The following AIRE variants were observed in gnomAD, a reference collection of about 807,000 sequenced individuals.
AIRE encodes the protein autoimmune regulator.
AIRE carries 52 observed loss-of-function variants against 62.1 expected under a neutral mutation model. The ratio of observed to expected loss-of-function variants is 0.84; its 90% CI spans 0.67 to 1.06. The LOEUF (loss-of-function observed/expected upper bound fraction) is 1.06, where lower values mean the gene tolerates loss of function less well. Among genes scored for constraint, AIRE ranks in the 50% least tolerant of loss-of-function variants. AIRE has a pLI of 0.00. For missense variants in AIRE, 774 were observed against 755.8 expected (o/e 1.02, Z -0.28); for synonymous variants, 342 against 321.6 (o/e 1.06, Z -0.68).
At chr21:44,293,353 C>T (rs1020251782) in intron 10 of AIRE, among the ~76,000 whole-genome samples, 178 bp downstream of exon 10, 3 of 151,974 alleles carry the variant, frequency 2.0e-5, no homozygotes, top group African/African-American at 4.8e-5. Flanking sequence ...CGCTCCTAGA[C>T]CTCCACTCCA....
At chr21:44,290,239 C>A in intron 7 of AIRE, 171 bp downstream of exon 7, 2 of 984,654 alleles carry the variant, frequency 2.0e-6, no homozygotes, top group African/African-American at 1.7e-5. Context: ...CCTGATAATA[C>A]GCAATGGTAA....
intron 7 of AIRE, chr21:44,290,889 C>CGGG (rs757773290): frequency 5.0e-6 from 8 of 1,609,122 alleles, no homozygotes; most frequent in Non-Finnish European, 6.8e-6. Flanking sequence ...GGGATGGCCC[C>CGGG]GGGGGGTGTC....
At chr21:44,292,765 C>T (rs1412668934) in intron 9 of AIRE, among the ~76,000 whole-genome samples, 3 of 152,100 alleles carry the variant, frequency 2.0e-5, no homozygotes, top group Non-Finnish European at 4.4e-5. Context: ...GGCCAGGGGG[C>T]CCCCCGTGTG....
chr21:44,290,889 CG>C (rs757773290), intron 7 of AIRE: 13 of 1,608,994 alleles, frequency 8.1e-6, no homozygotes, highest in Admixed American at 6.7e-5. Context: ...GGGATGGCCC[CG>C]GGGGGTGTCT....
chr21:44,292,454 GCCCCCTCCTAGGCTGGGCCA>G (rs2040552747), intron 9 of AIRE, 53 bp downstream of exon 9: 1 of 1,287,004 alleles, frequency 7.8e-7, no homozygotes, highest in Non-Finnish European at 1.1e-6. Flanking sequence ...ACATGGCCAC[GCCCCCTCCTAGGCTGGGCCA>G]CCCCCTCCTG....
Position 44,289,652 on chromosome 21 carries a change from C to T in AIRE, c.653-5C>T, listed in dbSNP as rs771182213. ...GAGCCAGGACCAGCCGGCATCTCCT[C>T]CCAGGCGGCTCCAAGAAGTGCATCC... On this transcript the variant is annotated splice_region_variant and splice_polypyrimidine_tract_variant and intron_variant, in intron 5 of 13. Coordinates refer to ENST00000291582, the MANE Select transcript of AIRE (RefSeq NM_000383.4). 10 of 1,612,626 alleles carry T rather than the reference C, an allele frequency of 6.2e-6. No homozygotes were observed. The South Asian group carries it at 8.8e-5, about 14-fold the overall frequency.
Position 44,290,068 on chromosome 21 carries a change from G to A in AIRE, c.879G>A (p.Gln293=). ...TCCCCAGTGACCCCCAGCTCCACCA[G>A]GTAATGCCCTAGACCACAGGAGAGG... ...LALPSDPQLH[Q]KNEDECAVCR... Residue 293 remains glutamine, a splice_region_variant and synonymous_variant, in exon 7 of 14, where the codon CAG becomes CAA. Coordinates refer to ENST00000291582, the MANE Select transcript of AIRE (RefSeq NM_000383.4). 1.2e-6 allele frequency: 2 copies of A among 1,611,778 alleles called. No homozygotes were observed. The highest frequency in any genetic ancestry group is 1.7e-6 in the Non-Finnish European group (2 of 1,179,412).
At chr21:44,295,502 C>T (rs559098504) in intron 12 of AIRE, among the ~76,000 whole-genome samples, 2 of 152,328 alleles carry the variant, frequency 1.3e-5, no homozygotes, top group South Asian at 2.1e-4. Context: ...GGAGCCCAGC[C>T]GGGCATATAC....
intron 8 of AIRE, 136 bp from the exon 9 acceptor site, chr21:44,292,166 C>T (rs1263352656): frequency 2.6e-6 from 2 of 758,702 alleles, no homozygotes; most frequent in Non-Finnish European, 4.7e-6. Context: ...TGTGTCTCTG[C>T]CCATCTCTCT....
In AIRE at chr21:44,286,467, T is replaced by C; in HGVS notation, c.133-90T>C. The C allele has an allele frequency of 7.0e-7, 1 of 1,428,272 alleles. No homozygotes were observed. Among genetic ancestry groups the C allele is most frequent in the Non-Finnish European group, 9.6e-7 (1 of 1,046,318 alleles). 88.5% of individuals were successfully genotyped at this position (1,428,272 alleles called of 1,614,324 possible). A position where few individuals can be genotyped will look rare whatever the true frequency, so the allele number is the denominator to read the frequency against. On this transcript the variant is annotated intron_variant, in intron 1 of 13. Transcript: ENST00000291582. This position sits in a 1 kb window ranked among gnomAD's most constrained non-coding sequence, Gnocchi z 6.0. ...TGTCCAGGTCGCCAGCGCCTCTGCC[T>C]GGGAGCTCCACCCTCTAGTCATGAT...
intron 5 of AIRE, 190 bp downstream of exon 5, chr21:44,288,648 G>T (rs377279425): frequency 1.7e-6 from 1 of 584,196 alleles, no homozygotes; most frequent in Non-Finnish European, 3.1e-6. Context: ...CCTGTCGGGG[G>T]ACCTTCTGCA....
At position 44,290,771 on chromosome 21, in the gene AIRE, C is replaced by T; in HGVS notation, c.880-324C>T. The stretch of plus-strand genomic sequence containing the variant: ...GGCGCTGAGGTCGGGAGAGACCTCC[C>T]TGGGCCTGGCCCCACTGCCCTGTGA... On this transcript the variant is annotated intron_variant, in intron 7 of 13. Coordinates refer to ENST00000291582, the MANE Select transcript of AIRE (RefSeq NM_000383.4). 3 of 1,470,552 alleles carry T rather than the reference C, an allele frequency of 2.0e-6. No homozygotes were observed. In the South Asian group the frequency reaches 3.4e-5, roughly 17 times the overall value. 91.1% of individuals were successfully genotyped at this position (1,470,552 alleles called of 1,614,324 possible).
intron 8 of AIRE, among the ~76,000 whole-genome samples, chr21:44,291,766 T>C (rs889061052): frequency 3.3e-5 from 5 of 151,882 alleles, no homozygotes; most frequent in African/African-American, 1.2e-4. Flanking sequence ...GAGGAAGAGC[T>C]CTGGGTGCAG....
chr21:44,291,189 C>T lies in AIRE; in HGVS notation c.974C>T (p.Pro325Leu), dbSNP rs2040535833. The change falls in exon 8 of 14, where the codon CCT becomes CTT. Residue 325 changes from proline (P) to leucine (L), a missense_variant. Physicochemically the swap from Pro to Leu is moderately conservative, Grantham distance 98. This residue lies in a region of AIRE where 35 missense variants were observed against 63.7 expected (regional missense o/e 0.55). Coordinates refer to ENST00000291582, the MANE Select transcript of AIRE (RefSeq NM_000383.4). The stretch of plus-strand genomic sequence containing the variant: ...GCCTTCCACCTGGCCTGCCTGTCCC[C>T]TCCGCTCCGGGAGATCCCCAGGTGA... ...PRAFHLACLS[P>L]PLREIPSGTW... is the part of the protein sequence containing the mutation. The T allele has an allele frequency of 6.2e-7, 1 of 1,601,064 alleles. No individual in the cohort carries two copies. Among genetic ancestry groups the T allele is most frequent in the Non-Finnish European group, 8.5e-7 (1 of 1,176,652 alleles).
chr21:44,292,985 G>A lies in AIRE; in HGVS notation c.1096-8G>A. On this transcript the variant is annotated splice_region_variant and splice_polypyrimidine_tract_variant and intron_variant, in intron 9 of 13. Transcript: ENST00000291582. The stretch of plus-strand genomic sequence containing the variant: ...GCTGCCCCTCTGATGCTGACCCTTG[G>A]GTTCCAGCTCCCCCCGGGGCTTAGG... 6.2e-7 allele frequency: 1 copy of A among 1,611,974 alleles called. No homozygotes were observed. The highest frequency in any genetic ancestry group is 1.1e-5 in the South Asian group (1 of 91,042).
In AIRE at chr21:44,297,114, A is replaced by G. The variant is rs1388508715; in HGVS notation, c.1567-542A>G. 2.0e-5 allele frequency among the ~76,000 whole-genome samples: 3 copies of G among 152,140 alleles called. No individual in the cohort carries two copies. Among genetic ancestry groups the G allele is most frequent in the Admixed American group, 6.5e-5 (1 of 15,288 alleles). On this transcript the variant is annotated intron_variant, in intron 13 of 13. Coordinates refer to ENST00000291582, the MANE Select transcript of AIRE (RefSeq NM_000383.4). This position sits in a 1 kb window ranked among gnomAD's most constrained non-coding sequence, Gnocchi z 4.8. Reference sequence around the variant, plus strand: ...GGTGTCTGCAGAGCCCCAGGGCCTGAGAGTGGGCCAGGGGGCCCAGCGCTG... The same window carrying G: ...GGTGTCTGCAGAGCCCCAGGGCCTGGGAGTGGGCCAGGGGGCCCAGCGCTG...
rs753176150 is a variant in AIRE at position 44,286,113 on chromosome 21, A to G, written c.107A>G (p.Asp36Gly). The change falls in exon 1 of 14, where the codon GAC (aspartate) becomes GGC (glycine). Residue 36 changes from aspartate to glycine, a missense_variant. Coordinates refer to ENST00000291582, the MANE Select transcript of AIRE (RefSeq NM_000383.4). The surrounding 1 kb of genome is among the most constrained non-coding windows in gnomAD (Gnocchi z 6.0). ...FPLLHALADH[D>G]VVPEDKFQET... ...CTGCTGCACGCGCTGGCTGACCACG[A>G]CGTGGTCCCCGAGGACAAGTTTCAG... 6.5e-7 allele frequency: 1 copy of G among 1,547,084 alleles called. No homozygotes were observed. Among genetic ancestry groups the G allele is most frequent in the Admixed American group, 2.0e-5 (1 of 50,962 alleles).
At chr21:44,294,830 G>T (rs1010053722) in intron 12 of AIRE, among the ~76,000 whole-genome samples, 2 of 152,078 alleles carry the variant, frequency 1.3e-5, no homozygotes, top group Admixed American at 1.3e-4. Flanking sequence ...GGAGCGCCCG[G>T]CCTGCAGGAG....
At chr21:44,289,554 G>A in intron 5 of AIRE, 103 bp from the exon 6 acceptor site, 1 of 1,511,908 alleles carries the variant, frequency 6.6e-7, no homozygotes, top group Non-Finnish European at 9.0e-7. Context: ...CAGGCTGTGG[G>A]AACTCCACCT....
Sources: allele counts gnomAD v4.1 joint callset (sites outside exome capture counted in the v4.1 genomes callset), GRCh38; gene constraint gnomAD v4.1.1; regional missense constraint gnomAD v4.1.1; non-coding constraint Gnocchi (gnomAD v3.1); transcripts MANE v1.5; gene names NCBI Gene and HGNC (gene_info 2026-07-23, HGNC 2026-07-21).